The following TBCA variants were observed in gnomAD, a reference collection of about 807,000 sequenced individuals.
TBCA encodes the protein tubulin-specific chaperone A.
A neutral mutation model predicts 15.8 loss-of-function variants in TBCA; 6 were observed. The observed-to-expected ratio is 0.38, with a 90% CI of 0.21 to 0.75. TBCA has a LOEUF of 0.75. Ranked by LOEUF, TBCA falls within the 30% of genes least tolerant of loss-of-function variation. The probability of loss-of-function intolerance (pLI) is 0.46; values close to 1 mark genes in which losing one functional copy is unlikely to be tolerated. For missense variants in TBCA, 90 were observed against 131.2 expected, an observed-to-expected ratio of 0.69 and a Z score of 1.53; for synonymous variants, 32 against 42.3, an observed-to-expected ratio of 0.76 and a Z score of 0.94.
chr5:77,734,354 G>T (rs1427770757), intron 1 of TBCA, among the ~76,000 whole-genome samples: 1 of 152,108 alleles, frequency 6.6e-6, no homozygotes, highest in Non-Finnish European at 1.5e-5. Context: ...AAACCTTCTG[G>T]AAAGGATTCA....
intron 1 of TBCA, among the ~76,000 whole-genome samples, chr5:77,716,377 C>A (rs551720945): frequency 6.6e-6 from 1 of 151,976 alleles, no homozygotes; most frequent in Non-Finnish European, 1.5e-5. Flanking sequence ...TGGTGAAGTT[C>A]GACAGACAGT....
intron 1 of TBCA, among the ~76,000 whole-genome samples, chr5:77,736,688 A>G (rs1746917054): frequency 6.6e-6 from 1 of 152,030 alleles, no homozygotes; most frequent in Non-Finnish European, 1.5e-5. Flanking sequence ...CTACCTCCTC[A>G]TATTTACTAC....
chr5:77,733,778 G>C (rs1296785172), intron 1 of TBCA, among the ~76,000 whole-genome samples: 1 of 152,204 alleles, frequency 6.6e-6, no homozygotes, highest in African/African-American at 2.4e-5. Flanking sequence ...CTGAACAACA[G>C]ATTTTTCAAC....
chr5:77,734,961 A>G (rs1382829101), intron 1 of TBCA, among the ~76,000 whole-genome samples: 1 of 152,204 alleles, frequency 6.6e-6, no homozygotes, highest in Admixed American at 6.5e-5. Flanking sequence ...ATTGTTAGGT[A>G]TTTTTCTAAC....
chr5:77,692,182 T>G (rs1162734292), intron 3 of TBCA: 39 of 984,862 alleles, frequency 4.0e-5, no homozygotes, highest in Non-Finnish European at 4.7e-5. Context: ...GAAGCTATGG[T>G]TAGCAATTTA....
rs544496670 is a variant in TBCA at position 77,692,932 on chromosome 5, A to C, written c.246+334T>G. ...AGATCTTTTAAAATTTTAATCAGTC[A>C]ACTCATCCTCAATGTCTCAAAAGAT... On this transcript the variant is annotated intron_variant, in intron 3 of 3. Transcript: ENST00000380377. The C allele has an allele frequency of 3.1e-5, 40 of 1,273,134 alleles. No individual in the cohort carries two copies. In the South Asian group the frequency reaches 8.5e-4, roughly 27 times the overall value. The allele number at this position is 1,273,134 out of a possible 1,614,324, so 78.9% of individuals were successfully genotyped here.
At chr5:77,704,234 G>A (rs576863479) in intron 2 of TBCA, among the ~76,000 whole-genome samples, 1 of 152,132 alleles carries the variant, frequency 6.6e-6, no homozygotes, top group Non-Finnish European at 1.5e-5. Context: ...CCTCCCAAAG[G>A]GCTAGGATTA....
intron 1 of TBCA, among the ~76,000 whole-genome samples, chr5:77,737,536 T>C (rs566239768): frequency 6.6e-6 from 1 of 152,334 alleles, no homozygotes; most frequent in African/African-American, 2.4e-5. Context: ...ACTCAACTAC[T>C]TTGTAATGTA....
At chr5:77,707,180 T>C (rs1367284476) in intron 2 of TBCA, among the ~76,000 whole-genome samples, 2 of 152,118 alleles carry the variant, frequency 1.3e-5, no homozygotes, top group African/African-American at 4.8e-5. Context: ...CTAGGGCACA[T>C]AGTCCACTCT....
chr5:77,771,021 A>G (rs563503417), intron 1 of TBCA, among the ~76,000 whole-genome samples: 2 of 152,218 alleles, frequency 1.3e-5, no homozygotes, highest in South Asian at 4.1e-4. Flanking sequence ...CCAGCTACTC[A>G]GGAGGCTGAG....
intron 1 of TBCA, among the ~76,000 whole-genome samples, chr5:77,770,965 A>G (rs1215702082): frequency 6.6e-6 from 1 of 151,928 alleles, no homozygotes; most frequent in Non-Finnish European, 1.5e-5. Context: ...TGTCTCTACT[A>G]AAAAATACAA....
rs1746369156 is a variant in TBCA, at chr5:77,715,137, T to G, written c.54-6790A>C. 11 of 652,788 alleles carry G rather than the reference T, an allele frequency of 1.7e-5. No homozygotes were observed. In the South Asian group the frequency reaches 1.9e-4, roughly 11 times the overall value. The allele number at this position is 652,788 out of a possible 1,614,324, so 40.4% of individuals were successfully genotyped here. A position where few individuals can be genotyped will look rare whatever the true frequency, so the allele number is the denominator to read the frequency against. On this transcript the variant is annotated intron_variant, in intron 1 of 3. Transcript: ENST00000380377. Reference sequence around the variant, plus strand: ...TTAAGATTTCAAAGAGGCAATAAGCTATGTAAATAACTGATGAAAGAAGTT... The same window carrying G: ...TTAAGATTTCAAAGAGGCAATAAGCGATGTAAATAACTGATGAAAGAAGTT...
intron 1 of TBCA, among the ~76,000 whole-genome samples, chr5:77,763,870 C>T (rs547592723): frequency 5.9e-5 from 9 of 152,270 alleles, no homozygotes; most frequent in Admixed American, 4.6e-4. Context: ...TATGACCAAA[C>T]GATTTCATTC....
intron 1 of TBCA, among the ~76,000 whole-genome samples, chr5:77,712,632 A>G (rs1187162838): frequency 6.6e-6 from 1 of 152,194 alleles, no homozygotes; most frequent in Admixed American, 6.5e-5. Context: ...AATACACATA[A>G]TTTTGAAACC....
chr5:77,731,957 A>C (rs781475530), intron 1 of TBCA, among the ~76,000 whole-genome samples: 2 of 152,208 alleles, frequency 1.3e-5, no homozygotes, highest in Non-Finnish European at 2.9e-5. Context: ...CTGTTAAGGA[A>C]GTAAGTTTGG....
chr5:77,751,545 G>A (rs1429534547), intron 1 of TBCA, among the ~76,000 whole-genome samples: 1 of 151,944 alleles, frequency 6.6e-6, no homozygotes. Flanking sequence ...AAGATGGTTG[G>A]GGGTGGGGGA....
chr5:77,742,685 G>A (rs2112481855), intron 1 of TBCA, among the ~76,000 whole-genome samples: 1 of 152,260 alleles, frequency 6.6e-6, no homozygotes, highest in East Asian at 1.9e-4. Flanking sequence ...CAATTCCGAA[G>A]GCTATATGAG....
intron 1 of TBCA, among the ~76,000 whole-genome samples, chr5:77,756,629 GAA>G (rs11347774): frequency 1.7e-4 from 23 of 136,330 alleles, no homozygotes; most frequent in Non-Finnish European, 1.9e-4. Flanking sequence ...TTCCTAAGAG[GAA>G]AAAAAAAAAA....
chr5:77,723,628 A>C (rs1361486118), intron 1 of TBCA, among the ~76,000 whole-genome samples: 1 of 151,998 alleles, frequency 6.6e-6, no homozygotes, highest in African/African-American at 2.4e-5. Flanking sequence ...TGGCCTTAAA[A>C]AAAAATACCT....
Sources: gnomAD v4.1 joint callset for allele counts (sites outside exome capture counted in the v4.1 genomes callset) on GRCh38, gnomAD v4.1.1 for gene constraint, MANE v1.5 for transcripts, NCBI Gene and HGNC (gene_info 2026-07-23, HGNC 2026-07-21) for gene names.